SLC9C1: variants seen among roughly 807,000 people sequenced by gnomAD.
The protein encoded by SLC9C1 is solute carrier family 9 member C1.
A neutral mutation model predicts 140.9 loss-of-function variants in SLC9C1; 97 were observed. The observed-to-expected ratio is 0.69, with a 90% confidence interval of 0.58 to 0.82. SLC9C1 has a LOEUF of 0.82. Ranked by LOEUF, SLC9C1 falls within the 40% of genes least tolerant of loss-of-function variation. SLC9C1 has a pLI of 0.00. For missense variants in SLC9C1, 1,340 were observed against 1,389.3 expected (o/e 0.96, Z 0.56); for synonymous variants, 440 against 442.6 (o/e 0.99, Z 0.07).
At chr3:112,251,376 C>A (rs1416583653) in intron 10 of SLC9C1, among the ~76,000 whole-genome samples, 7 of 151,722 alleles carry the variant, frequency 4.6e-5, no homozygotes, top group African/African-American at 1.7e-4. Context: ...GTCAGGAAAT[C>A]CCCTCATGAA....
At chr3:112,293,831 T>A (rs189464571) in intron 1 of SLC9C1, among the ~76,000 whole-genome samples, 1 of 152,258 alleles carries the variant, frequency 6.6e-6, no homozygotes, top group Admixed American at 6.5e-5. Context: ...ACTGGATAGT[T>A]CACAAAGAGT....
chr3:112,178,762 T>C (rs1360893335), intron 23 of SLC9C1, among the ~76,000 whole-genome samples: 2 of 152,212 alleles, frequency 1.3e-5, no homozygotes, highest in African/African-American at 4.8e-5. Flanking sequence ...ATTCACTTAG[T>C]AGTTTTAGCA....
intron 13 of SLC9C1, among the ~76,000 whole-genome samples, chr3:112,226,341 G>C (rs982806444): frequency 2.6e-5 from 4 of 152,162 alleles, no homozygotes; most frequent in Middle Eastern, 6.8e-3. Flanking sequence ...TGAAACAAAA[G>C]TAGAAACACA....
In SLC9C1 at chr3:112,244,034, C is replaced by T. The variant is rs369615659; in HGVS notation, c.1240G>A (p.Val414Ile). ...GVLVCLITLV[V>I]NRFILPVAVT... ...GCCACTGGCAAAATAAATCTATTGA[C>T]AACAAGGGTTATTAGGCATACTAAC... Residue 414 changes from valine (V) to isoleucine (I), a missense_variant, in exon 11 of 29, where the codon GTC becomes ATC. By Grantham distance (29) the Val-to-Ile change is conservative. Coordinates refer to ENST00000305815, the MANE Select transcript of SLC9C1 (RefSeq NM_183061.3). 2 of 1,605,674 alleles carry T rather than the reference C, an allele frequency of 1.2e-6. No individual in the cohort carries two copies. The highest frequency in any genetic ancestry group is 1.7e-6 in the Non-Finnish European group (2 of 1,175,410).
chr3:112,215,547 C>G (rs1370346327), intron 15 of SLC9C1, among the ~76,000 whole-genome samples: 1 of 152,094 alleles, frequency 6.6e-6, no homozygotes, highest in Non-Finnish European at 1.5e-5. Context: ...AAATCACAAG[C>G]ATTCTTATAC....
intron 13 of SLC9C1, among the ~76,000 whole-genome samples, chr3:112,225,741 C>T (rs773972828): frequency 3.1e-5 from 4 of 127,036 alleles, no homozygotes; most frequent in Non-Finnish European, 6.7e-5. Context: ...ATATTTCTGG[C>T]AAACAGAACC....
intron 10 of SLC9C1, among the ~76,000 whole-genome samples, chr3:112,252,737 T>A (rs2108263547): frequency 6.6e-6 from 1 of 152,006 alleles, no homozygotes; most frequent in East Asian, 1.9e-4. Flanking sequence ...CTTTAGAGAG[T>A]CAAGGTGACC....
At chr3:112,229,077 A>G (rs192640877) in intron 13 of SLC9C1, among the ~76,000 whole-genome samples, 3 of 152,268 alleles carry the variant, frequency 2.0e-5, no homozygotes, top group East Asian at 3.9e-4. Flanking sequence ...CAGGCACAGA[A>G]AAAGAAATAC....
intron 20 of SLC9C1, among the ~76,000 whole-genome samples, chr3:112,191,545 T>C (rs569498267): frequency 6.6e-6 from 1 of 152,304 alleles, no homozygotes; most frequent in South Asian, 2.1e-4. Context: ...TAAATCCCAC[T>C]TTACCAATTG....
chr3:112,176,562 T>C (rs1040606921), intron 23 of SLC9C1, among the ~76,000 whole-genome samples: 3 of 152,226 alleles, frequency 2.0e-5, no homozygotes, highest in Admixed American at 6.5e-5. Flanking sequence ...CCTTTTATAC[T>C]ATAGATCACA....
intron 26 of SLC9C1, among the ~76,000 whole-genome samples, chr3:112,166,162 G>A (rs751702044): frequency 5.9e-5 from 9 of 152,178 alleles, no homozygotes; most frequent in South Asian, 4.1e-4. Context: ...TCCAGGCGCC[G>A]TCTGTCACCC....
intron 12 of SLC9C1, among the ~76,000 whole-genome samples, chr3:112,238,044 CAG>C (rs2079039363): frequency 6.6e-6 from 1 of 152,216 alleles, no homozygotes; most frequent in African/African-American, 2.4e-5. Context: ...TAATATCCTG[CAG>C]AGTGTTTTCC....
At chr3:112,277,942 A>G in intron 4 of SLC9C1, 82 bp from the exon 5 acceptor site, 6 of 1,225,860 alleles carry the variant, frequency 4.9e-6, no homozygotes, top group Non-Finnish European at 6.8e-6. Flanking sequence ...ATTATTGGAG[A>G]TACAGAATCA....
chr3:112,160,567 A>C (rs994042188), intron 26 of SLC9C1, among the ~76,000 whole-genome samples: 1 of 151,544 alleles, frequency 6.6e-6, no homozygotes, highest in African/African-American at 2.4e-5. Flanking sequence ...ATGATTTCCA[A>C]TTTCATCCAT....
rs370038283 is a variant in SLC9C1 at position 112,199,520 on chromosome 3, GT to G, written c.2375-52del. On this transcript the variant is annotated intron_variant, in intron 19 of 28. Coordinates refer to ENST00000305815, the MANE Select transcript of SLC9C1 (RefSeq NM_183061.3). ...ATTAAATAAGAACATTGTTTTAAAT[GT>G]TTTATGTGGACAATAAGCTAAGTTT... The G allele has an allele frequency of 6.2e-4, 864 of 1,401,284 alleles. 7 individuals carry two copies. The East Asian group carries it at 0.013, about 22-fold the overall frequency. The allele number at this position is 1,401,284 out of a possible 1,614,324, so 86.8% of individuals were successfully genotyped here.
rs200437815 is a variant in SLC9C1 at position 112,183,349 on chromosome 3, CTTTTTTTT to C, written c.2524-1099_2524-1092del. Among the ~76,000 whole-genome samples the C allele has an allele frequency of 1.6e-3, 151 of 95,380 alleles. 3 individuals are homozygous for C. The highest frequency in any genetic ancestry group is 4.1e-3 in the African/African-American group (83 of 20,388). The allele number at this position is 95,380 out of a possible 152,430, so 62.6% of individuals were successfully genotyped here. A position where few individuals can be genotyped will look rare whatever the true frequency, so the allele number is the denominator to read the frequency against. On this transcript the variant is annotated intron_variant, in intron 20 of 28. Coordinates refer to ENST00000305815, the MANE Select transcript of SLC9C1 (RefSeq NM_183061.3). ...ACGACAATGATATTTAGCACCTTTT[CTTTTTTTT>C]TTTTTTTTTTTTTCAGCCAATCACA...
intron 20 of SLC9C1, among the ~76,000 whole-genome samples, chr3:112,194,981 T>G (rs1576314991): frequency 1.3e-5 from 2 of 152,298 alleles, no homozygotes; most frequent in Middle Eastern, 6.8e-3. Flanking sequence ...CCATTTTGAA[T>G]CAGGTTGTTT....
intron 20 of SLC9C1, among the ~76,000 whole-genome samples, chr3:112,197,918 T>C (rs2077807845): frequency 6.6e-6 from 1 of 152,204 alleles, no homozygotes; most frequent in Non-Finnish European, 1.5e-5. Context: ...CCTGTCGGCC[T>C]GCTCCTGCTT....
chr3:112,249,497 T>C (rs2079388207), intron 10 of SLC9C1, among the ~76,000 whole-genome samples: 1 of 152,114 alleles, frequency 6.6e-6, no homozygotes, highest in Non-Finnish European at 1.5e-5. Flanking sequence ...GAGGAGTCTA[T>C]TCTAAATTTT....
Sources: gnomAD v4.1 joint callset for allele counts (sites outside exome capture counted in the v4.1 genomes callset) on GRCh38, gnomAD v4.1.1 for gene constraint, MANE v1.5 for transcripts, NCBI Gene and HGNC (gene_info 2026-07-23, HGNC 2026-07-21) for gene names.